The following HLCS variants were observed in gnomAD, a reference collection of about 807,000 sequenced individuals.
HLCS encodes the protein holocarboxylase synthetase, also known as biotin--protein ligase.
A neutral mutation model predicts 75.0 loss-of-function variants in HLCS; 53 were observed. The observed-to-expected ratio is 0.71, with a 90% CI of 0.57 to 0.89. The LOEUF is 0.89. Among genes scored for constraint, HLCS ranks in the 40% least tolerant of loss-of-function variants. HLCS has a pLI of 0.00. For synonymous variants in HLCS, 431 were observed against 428.6 expected (o/e 1.01, Z -0.07); for missense variants, 966 against 1,074.0 (o/e 0.90, Z 1.41).
intron 6 of HLCS, among the ~76,000 whole-genome samples, chr21:36,772,389 C>A (rs768400011): frequency 5.0e-4 from 76 of 152,016 alleles, no homozygotes; most frequent in Non-Finnish European, 8.5e-4. Flanking sequence ...GTAATCCCAG[C>A]ACTTTGGGAG....
intron 6 of HLCS, among the ~76,000 whole-genome samples, chr21:36,864,272 T>C (rs6517387): frequency 0.29 from 43,522 of 151,662 alleles, 7,382 homozygotes; most frequent in African/African-American, 0.48. Context: ...TGGTGGCGTG[T>C]GCCTGTAATT....
At chr21:36,771,198 C>T (rs1179351099) in intron 6 of HLCS, among the ~76,000 whole-genome samples, 4 of 149,764 alleles carry the variant, frequency 2.7e-5, no homozygotes, top group African/African-American at 2.5e-5. Flanking sequence ...CCAGCCTGGG[C>T]GACAGAGCGA....
At chr21:36,871,006 T>C (rs1467347791) in intron 6 of HLCS, among the ~76,000 whole-genome samples, 1 of 152,204 alleles carries the variant, frequency 6.6e-6, no homozygotes, top group Non-Finnish European at 1.5e-5. Flanking sequence ...TTTTCAATAA[T>C]GCAAACGCTG....
At position 36,783,847 on chromosome 21, in the gene HLCS, AT is replaced by A. The variant is rs553916963; in HGVS notation, c.1893-16563del. 1.9e-4 allele frequency among the ~76,000 whole-genome samples: 28 copies of A among 150,652 alleles called. No homozygotes were observed. In the South Asian group the frequency reaches 5.8e-3, roughly 31 times the overall value. The stretch of plus-strand genomic sequence containing the variant: ...TACACACACACACATACATGCACAA[AT>A]CCACACACACACACACTTGATTGCC... On this transcript the variant is annotated intron_variant, in intron 6 of 10. Transcript: ENST00000674895.
chr21:36,896,636 G>A (rs1288983020), intron 6 of HLCS: 6 of 574,696 alleles, frequency 1.0e-5, no homozygotes, highest in South Asian at 2.1e-5. Flanking sequence ...AAGACACAAA[G>A]CACAACCACC....
intron 6 of HLCS, among the ~76,000 whole-genome samples, chr21:36,829,769 T>C (rs1306751427): frequency 1.3e-5 from 2 of 152,168 alleles, no homozygotes; most frequent in Non-Finnish European, 2.9e-5. Context: ...AGAGAGGACT[T>C]ACTTAAGTTC....
At chr21:36,845,353 G>A (rs939952740) in intron 6 of HLCS, among the ~76,000 whole-genome samples, 1 of 152,054 alleles carries the variant, frequency 6.6e-6, no homozygotes, top group Non-Finnish European at 1.5e-5. Context: ...AGAAACTTCC[G>A]TGCCGCGGCA....
Position 36,780,266 on chromosome 21 carries a change from G to A in HLCS, c.1893-12981C>T, listed in dbSNP as rs972696459. On this transcript the variant is annotated intron_variant, in intron 6 of 10. Transcript: ENST00000674895. ...TCCTCATTTTTTCTTTTTTTCAGAC[G>A]GAGTCTCACTCTGTTGCCCAGGCTG... Among the ~76,000 whole-genome samples, 8 of 152,006 alleles carry A rather than the reference G, an allele frequency of 5.3e-5. No homozygotes were observed. In the East Asian group the frequency reaches 5.8e-4, roughly 11 times the overall value.
intron 9 of HLCS, among the ~76,000 whole-genome samples, chr21:36,758,096 TTTTTTA>T (rs945256844): frequency 1.1e-4 from 16 of 152,248 alleles, no homozygotes; most frequent in African/African-American, 3.1e-4. Context: ...CCCTACTTTA[TTTTTTA>T]TTTTTATTTA....
At chr21:36,797,796 G>A (rs191051248) in intron 6 of HLCS, among the ~76,000 whole-genome samples, 9 of 152,296 alleles carry the variant, frequency 5.9e-5, no homozygotes, top group Non-Finnish European at 7.3e-5. Context: ...CTGCCCTGAC[G>A]CCTGCATTCC....
intron 1 of HLCS, among the ~76,000 whole-genome samples, chr21:36,983,785 C>T (rs391554): frequency 0.54 from 81,916 of 150,438 alleles, 22,384 homozygotes; most frequent in Middle Eastern, 0.66. Context: ...TGCAGTGAGA[C>T]GAGATGGTGT....
chr21:36,900,164 A>T (rs1336584382), intron 5 of HLCS, among the ~76,000 whole-genome samples: 1 of 152,150 alleles, frequency 6.6e-6, no homozygotes, highest in East Asian at 1.9e-4. Flanking sequence ...AGTAAACACA[A>T]TACACAGAAT....
chr21:36,989,417 G>C (rs1036616031), intron 1 of HLCS, among the ~76,000 whole-genome samples: 6 of 146,290 alleles, frequency 4.1e-5, no homozygotes, highest in African/African-American at 1.5e-4. Context: ...TCCACCTCCC[G>C]AGTTCAAGTG....
chr21:36,841,243 G>A (rs1390461254), intron 6 of HLCS, among the ~76,000 whole-genome samples: 1 of 152,168 alleles, frequency 6.6e-6, no homozygotes, highest in African/African-American at 2.4e-5. Context: ...TGTTAACCAA[G>A]GATATTCTTT....
At chr21:36,791,685 C>A (rs182933809) in intron 6 of HLCS, among the ~76,000 whole-genome samples, 3 of 151,974 alleles carry the variant, frequency 2.0e-5, no homozygotes, top group African/African-American at 4.8e-5. Context: ...GGGGCTCAGA[C>A]AGAATGCCGA....
intron 4 of HLCS, among the ~76,000 whole-genome samples, chr21:36,933,319 T>G (rs1387812829): frequency 6.6e-6 from 1 of 151,150 alleles, no homozygotes; most frequent in Non-Finnish European, 1.5e-5. Context: ...CTCTAAAGAA[T>G]CCATATCCTC....
At chr21:36,795,779 C>T (rs895351292) in intron 6 of HLCS, among the ~76,000 whole-genome samples, 2 of 152,224 alleles carry the variant, frequency 1.3e-5, no homozygotes, top group African/African-American at 4.8e-5. Flanking sequence ...CCATTAATTC[C>T]TCCCCCAGTG....
intron 6 of HLCS, among the ~76,000 whole-genome samples, chr21:36,866,539 C>T (rs371651395): frequency 2.6e-5 from 4 of 152,322 alleles, no homozygotes; most frequent in African/African-American, 9.6e-5. Context: ...ACATCTCCCA[C>T]TCCAGTCTAG....
Position 36,843,852 on chromosome 21 carries a change from T to C in HLCS, c.1892+53008A>G, listed in dbSNP as rs184105199. Among the ~76,000 whole-genome samples the C allele has an allele frequency of 8.5e-5, 13 of 152,170 alleles. No homozygotes were observed. The East Asian group carries it at 2.1e-3, about 25-fold the overall frequency. The stretch of plus-strand genomic sequence containing the variant: ...GAGACCCCGTCACTATGAAATATTC[T>C]AAAAAATTACCTGGGTTTGGTGGCA... On this transcript the variant is annotated intron_variant, in intron 6 of 10. Transcript: ENST00000674895.
Sources: allele counts gnomAD v4.1 joint callset (sites outside exome capture counted in the v4.1 genomes callset), GRCh38; gene constraint gnomAD v4.1.1; transcripts MANE v1.5; gene names NCBI Gene and HGNC (gene_info 2026-07-23, HGNC 2026-07-21).